SCRT2: variants seen among roughly 807,000 people sequenced by gnomAD.
SCRT2 encodes the protein scratch family transcriptional repressor 2.
A neutral mutation model predicts 3.7 loss-of-function variants in SCRT2; 2 were observed. That is an observed-to-expected ratio of 0.54 (90% CI 0.22 to 1.70). SCRT2 has a LOEUF of 1.70. Among genes scored for constraint, SCRT2 ranks in the 40% most tolerant of loss-of-function variants. The pLI is 0.19. For missense variants in SCRT2, 456 were observed against 468.5 expected (o/e 0.97, Z 0.25); for synonymous variants, 256 against 220.6 (o/e 1.16, Z -1.42).
rs1984033945 is a variant in SCRT2, at chr20:663,617, G to A, written c.*54C>T. ...GCGAGGGCGCTGCGGGCGCAGGTAG[G>A]GGGCCCGGGGCGCGTGGAGAGCGAG... On this transcript the variant is annotated 3_prime_UTR_variant, in exon 2 of 2. Transcript: ENST00000246104. The surrounding 1 kb of genome is among the most constrained non-coding windows in gnomAD (Gnocchi z 6.9). 1 of 1,310,372 alleles carries A rather than the reference G, an allele frequency of 7.6e-7. No individual in the cohort carries two copies. Among genetic ancestry groups the A allele is most frequent in the Non-Finnish European group, 9.7e-7 (1 of 1,033,532 alleles). 81.2% of individuals were successfully genotyped at this position (1,310,372 alleles called of 1,614,324 possible).
In SCRT2 at chr20:664,239, C is replaced by T; in HGVS notation, c.356G>A (p.Arg119Gln). ...CCCGCCGCCCCCGCCCCGCCGCCGC[C>T]GCGAGCGCCCGTCCGAGATGAAGAA... ...DAFFISDGRS[R>Q]RRRGGGGGDA... The change falls in exon 2 of 2, where the codon CGG (arginine) becomes CAG (glutamine). Residue 119 changes from arginine to glutamine, a missense_variant. By Grantham distance (43) the Arg-to-Gln change is conservative. Coordinates refer to ENST00000246104, the MANE Select transcript of SCRT2 (RefSeq NM_033129.4). The surrounding 1 kb of genome is among the most constrained non-coding windows in gnomAD (Gnocchi z 7.9). The T allele has an allele frequency of 1.5e-6, 2 of 1,337,320 alleles. No homozygotes were observed. The allele number at this position is 1,337,320 out of a possible 1,614,324, so 82.8% of individuals were successfully genotyped here. A position where few individuals can be genotyped will look rare whatever the true frequency, so the allele number is the denominator to read the frequency against.
At position 664,610 on chromosome 20, in the gene SCRT2, T is replaced by G. The variant is rs6053794; in HGVS notation, c.134-149A>C. The G allele has an allele frequency of 2.0e-3, 999 of 507,384 alleles. 8 individuals are homozygous for G. Among genetic ancestry groups the G allele is most frequent in the African/African-American group, 0.018 (918 of 50,768 alleles). The allele number at this position is 507,384 out of a possible 1,614,324, so 31.4% of individuals were successfully genotyped here. A position where few individuals can be genotyped will look rare whatever the true frequency, so the allele number is the denominator to read the frequency against. On this transcript the variant is annotated intron_variant, in intron 1 of 1. Transcript: ENST00000246104. The surrounding 1 kb of genome is among the most constrained non-coding windows in gnomAD (Gnocchi z 7.9). ...CTCCGACCTGCACCTCAGCTCTTCC[T>G]GTCAGGCAGCCTGGGTTCAATTCCT...
In SCRT2 at chr20:664,267, C is replaced by T. The variant is rs764032371; in HGVS notation, c.328G>A (p.Ala110Thr). ...AAVTDSYSMD[A>T]FFISDGRSRR... ...GAGCGCCCGTCCGAGATGAAGAAGGCGTCCATGGAGTAGCTGTCGGTCACT... is the reference window on the plus strand; with the variant it reads ...GAGCGCCCGTCCGAGATGAAGAAGGTGTCCATGGAGTAGCTGTCGGTCACT... Residue 110 changes from alanine to threonine, a missense_variant, in exon 2 of 2, where the codon GCC becomes ACC. This residue lies in a region of SCRT2 where 306 missense variants were observed against 305.3 expected (regional missense o/e 1.00). Transcript: ENST00000246104. The surrounding 1 kb of genome is among the most constrained non-coding windows in gnomAD (Gnocchi z 7.9). 3 of 1,427,742 alleles carry T rather than the reference C, an allele frequency of 2.1e-6. No homozygotes were observed. The highest frequency in any genetic ancestry group is 3.2e-5 in the South Asian group (2 of 62,868). 88.4% of individuals were successfully genotyped at this position (1,427,742 alleles called of 1,614,324 possible). A position where few individuals can be genotyped will look rare whatever the true frequency, so the allele number is the denominator to read the frequency against.
Position 674,707 on chromosome 20 carries a change from GTGTGTGTGTGTGTGTGTGTGTGTGTA to G in SCRT2, c.133+736_133+761del, listed in dbSNP as rs1163125129. On this transcript the variant is annotated intron_variant, in intron 1 of 1. Coordinates refer to ENST00000246104, the MANE Select transcript of SCRT2 (RefSeq NM_033129.4). ...AGATGGAGTGTGTGTGTGTGTGTGTGTGTGTGTGTGTGTGTGTGTGTGTGTATGTGTAGTGAGGAGGGGGCTTACGA... is the reference window on the plus strand; with the variant it reads ...AGATGGAGTGTGTGTGTGTGTGTGTGTGTGTAGTGAGGAGGGGGCTTACGA... Among the ~76,000 whole-genome samples the G allele has an allele frequency of 3.4e-3, 320 of 93,564 alleles. 2 individuals are homozygous for G. Among genetic ancestry groups the G allele is most frequent in the East Asian group, 0.019 (55 of 2,934 alleles). The allele number at this position is 93,564 out of a possible 152,430, so 61.4% of individuals were successfully genotyped here.
chr20:672,408 T>C (rs879591494), intron 1 of SCRT2, among the ~76,000 whole-genome samples: 5 of 146,178 alleles, frequency 3.4e-5, no homozygotes, highest in Admixed American at 6.7e-5. Flanking sequence ...TGTGTGTGTG[T>C]GTGTGTGTGT....
At position 675,349 on chromosome 20, in the gene SCRT2, A is replaced by C; in HGVS notation, c.133+120T>G. ...AAGCCCGGGAGGAGCCCACGGCCAG[A>C]GAGATCTCCTCCCGGGGGTTTCCTG... is the stretch of plus-strand genomic sequence containing the variant. On this transcript the variant is annotated intron_variant, in intron 1 of 1. Transcript: ENST00000246104. This position sits in a 1 kb window ranked among gnomAD's most constrained non-coding sequence, Gnocchi z 6.9. 5.9e-6 allele frequency: 5 copies of C among 845,650 alleles called. No individual in the cohort carries two copies. The highest frequency in any genetic ancestry group is 7.9e-6 in the Non-Finnish European group (5 of 630,866). 52.4% of individuals were successfully genotyped at this position (845,650 alleles called of 1,614,324 possible).
chr20:669,529 T>C (rs376633080), intron 1 of SCRT2, among the ~76,000 whole-genome samples: 2 of 152,248 alleles, frequency 1.3e-5, no homozygotes, highest in African/African-American at 2.4e-5. Context: ...TGTCCTAAAA[T>C]GGGCAGAAAA....
intron 1 of SCRT2, among the ~76,000 whole-genome samples, chr20:673,322 T>G (rs1350919149): frequency 6.6e-6 from 1 of 152,238 alleles, no homozygotes; most frequent in Non-Finnish European, 1.5e-5. Flanking sequence ...ATTCCATAGT[T>G]GACCTTCACA....
rs547803166 is a variant in SCRT2, at chr20:667,096, G to C, written c.134-2635C>G. 6.6e-6 allele frequency among the ~76,000 whole-genome samples: 1 copy of C among 152,236 alleles called. No individual in the cohort carries two copies. The highest frequency in any genetic ancestry group is 2.1e-4 in the South Asian group (1 of 4,816). ...TGGCCAAACGATTTGGCCTCTGTGT[G>C]ACTCTACCGTTTCAGTAAGGGGTCT... On this transcript the variant is annotated intron_variant, in intron 1 of 1. Transcript: ENST00000246104. This position sits in a 1 kb window ranked among gnomAD's most constrained non-coding sequence, Gnocchi z 4.4.
At position 666,001 on chromosome 20, in the gene SCRT2, C is replaced by G. The variant is rs1400773442; in HGVS notation, c.134-1540G>C. The stretch of plus-strand genomic sequence containing the variant: ...TGATTCAGCCTCCAGGCCTTTGCCT[C>G]TCATCTGGAGTTTGGGATGGACACA... On this transcript the variant is annotated intron_variant, in intron 1 of 1. Transcript: ENST00000246104. The surrounding 1 kb of genome is among the most constrained non-coding windows in gnomAD (Gnocchi z 4.4). Among the ~76,000 whole-genome samples the G allele has an allele frequency of 6.6e-6, 1 of 152,230 alleles. No individual in the cohort carries two copies. The highest frequency in any genetic ancestry group is 1.5e-5 in the Non-Finnish European group (1 of 68,040).
intron 1 of SCRT2, among the ~76,000 whole-genome samples, chr20:674,998 AG>A (rs1257273625): frequency 1.3e-5 from 2 of 151,850 alleles, no homozygotes; most frequent in Admixed American, 1.3e-4. Context: ...GAAGGGAGGG[AG>A]GGCGCCCCCA....
Position 673,931 on chromosome 20 carries a change from C to G in SCRT2, c.133+1538G>C, listed in dbSNP as rs902275716. On this transcript the variant is annotated intron_variant, in intron 1 of 1. Coordinates refer to ENST00000246104, the MANE Select transcript of SCRT2 (RefSeq NM_033129.4). ...CCAGCTTTGAGCGCACACTCTCCAG[C>G]TTTGGCATGGCCCCAGGTCCACCCT... Among the ~76,000 whole-genome samples the G allele has an allele frequency of 7.2e-5, 11 of 152,220 alleles. No individual in the cohort carries two copies. In the East Asian group the frequency reaches 1.7e-3, roughly 24 times the overall value.
Position 665,544 on chromosome 20 carries a change from C to T in SCRT2, c.134-1083G>A, listed in dbSNP as rs1190551477. ...AGGGTTTGAGTGATTGGTGGGTGGGCAGGCTGGGGTCTCCCTGGGGATTCC... is the reference window on the plus strand; with the variant it reads ...AGGGTTTGAGTGATTGGTGGGTGGGTAGGCTGGGGTCTCCCTGGGGATTCC... On this transcript the variant is annotated intron_variant, in intron 1 of 1. Coordinates refer to ENST00000246104, the MANE Select transcript of SCRT2 (RefSeq NM_033129.4). This position sits in a 1 kb window ranked among gnomAD's most constrained non-coding sequence, Gnocchi z 5.0. Among the ~76,000 whole-genome samples, 1 of 152,140 alleles carries T rather than the reference C, an allele frequency of 6.6e-6. No homozygotes were observed. The highest frequency in any genetic ancestry group is 1.5e-5 in the Non-Finnish European group (1 of 68,012).
At chr20:674,428 C>G (rs959687893) in intron 1 of SCRT2, among the ~76,000 whole-genome samples, 18 of 148,664 alleles carry the variant, frequency 1.2e-4, no homozygotes, top group African/African-American at 4.2e-4. Context: ...CACACACACA[C>G]ACACACACAC....
At chr20:672,950 C>A (rs1230117815) in intron 1 of SCRT2, among the ~76,000 whole-genome samples, 1 of 152,022 alleles carries the variant, frequency 6.6e-6, no homozygotes, top group Admixed American at 6.5e-5. Flanking sequence ...TCTCAGCAGA[C>A]CCCCAGCACC....
At position 663,700 on chromosome 20, in the gene SCRT2, G is replaced by C; in HGVS notation, c.895C>G (p.Pro299Ala). Reference protein sequence around the residue: ...AACAKAAEPPPPTPAGPAS With the variant: ...AACAKAAEPPAPTPAGPAS ...CTGGCCGGGCCGGCGGGGGTCGGCGGGGGTGGCTCGGCCGCCTTGGCGCAG... is the reference window on the plus strand; with the variant it reads ...CTGGCCGGGCCGGCGGGGGTCGGCGCGGGTGGCTCGGCCGCCTTGGCGCAG... Residue 299 changes from proline to alanine, a missense_variant, in exon 2 of 2, where the codon CCG becomes GCG. Transcript: ENST00000246104. This position sits in a 1 kb window ranked among gnomAD's most constrained non-coding sequence, Gnocchi z 6.9. 1 of 1,517,626 alleles carries C rather than the reference G, an allele frequency of 6.6e-7. No homozygotes were observed. The highest frequency in any genetic ancestry group is 8.8e-7 in the Non-Finnish European group (1 of 1,135,152). 94.0% of individuals were successfully genotyped at this position (1,517,626 alleles called of 1,614,324 possible).
At position 663,043 on chromosome 20, in the gene SCRT2, C is replaced by T; in HGVS notation, c.*628G>A. On this transcript the variant is annotated 3_prime_UTR_variant, in exon 2 of 2. Transcript: ENST00000246104. This position sits in a 1 kb window ranked among gnomAD's most constrained non-coding sequence, Gnocchi z 6.9. ...TGTGTGTGAATGGCCAGACCTAAGG[C>T]CTGAGCATGGATGGGATCAGGGACA... The T allele has an allele frequency of 6.6e-6, 1 of 152,608 alleles. No homozygotes were observed. Among genetic ancestry groups the T allele is most frequent in the Non-Finnish European group, 1.5e-5 (1 of 68,424 alleles). The allele number at this position is 152,608 out of a possible 1,614,324, so 9.5% of individuals were successfully genotyped here. A position where few individuals can be genotyped will look rare whatever the true frequency, so the allele number is the denominator to read the frequency against.
At position 675,697 on chromosome 20, in the gene SCRT2, G is replaced by A. The variant is rs1984517245; in HGVS notation, c.-96C>T. ...TTTCAGCACTGGACAGCTCCCAGCG[G>A]GCTGGAGCGCGGGAGGCCGCTCGGA... is the stretch of plus-strand genomic sequence containing the variant. On this transcript the variant is annotated 5_prime_UTR_variant, in exon 1 of 2. Transcript: ENST00000246104. The surrounding 1 kb of genome is among the most constrained non-coding windows in gnomAD (Gnocchi z 6.9). The A allele has an allele frequency of 3.1e-6, 3 of 973,106 alleles. No individual in the cohort carries two copies. The highest frequency in any genetic ancestry group is 4.6e-5 in the Admixed American group (1 of 21,542). The allele number at this position is 973,106 out of a possible 1,614,324, so 60.3% of individuals were successfully genotyped here.
chr20:671,807 C>T (rs550863124), intron 1 of SCRT2, among the ~76,000 whole-genome samples: 4 of 152,126 alleles, frequency 2.6e-5, no homozygotes, highest in Non-Finnish European at 5.9e-5. Context: ...GGGTTGGATG[C>T]ACTCTGAGAG....
Sources: gnomAD v4.1 joint callset for allele counts (sites outside exome capture counted in the v4.1 genomes callset) on GRCh38, gnomAD v4.1.1 for gene constraint, gnomAD v4.1.1 regional missense constraint, Gnocchi (gnomAD v3.1) non-coding constraint, MANE v1.5 for transcripts, NCBI Gene and HGNC (gene_info 2026-07-23, HGNC 2026-07-21) for gene names.